The following CTNNA2 variants were observed in gnomAD, a reference collection of about 807,000 sequenced individuals.
CTNNA2 encodes catenin alpha 2.
A neutral mutation model predicts 101.0 loss-of-function variants in CTNNA2; 42 were observed. The ratio of observed to expected loss-of-function variants is 0.42; its 90% confidence interval spans 0.32 to 0.54. The LOEUF is 0.54. Among genes scored for constraint, CTNNA2 ranks in the 20% least tolerant of loss-of-function variants. The pLI, the probability that CTNNA2 is intolerant of heterozygous loss-of-function variation, is 0.14. For synonymous variants in CTNNA2, 450 were observed against 456.4 expected (o/e 0.99, Z 0.18); for missense variants, 871 against 1,223.1 (o/e 0.71, Z 4.29).
At chr2:80,562,400 A>G (rs554230011) in intron 12 of CTNNA2, among the ~76,000 whole-genome samples, 17 of 152,324 alleles carry the variant, frequency 1.1e-4, no homozygotes, top group African/African-American at 3.6e-4. Flanking sequence ...GATAAATGCA[A>G]ATTAAAAACT....
At chr2:79,981,774 A>G (rs1161289404) in intron 7 of CTNNA2, among the ~76,000 whole-genome samples, 1 of 152,116 alleles carries the variant, frequency 6.6e-6, no homozygotes, top group Non-Finnish European at 1.5e-5. Context: ...TAAATTTTTT[A>G]TGTTCAGATT....
chr2:80,260,214 T>G (rs1381866470), intron 7 of CTNNA2, among the ~76,000 whole-genome samples: 1 of 152,148 alleles, frequency 6.6e-6, no homozygotes, highest in Admixed American at 6.5e-5. Context: ...CATTGCTACA[T>G]CCTCAGTAAT....
intron 7 of CTNNA2, among the ~76,000 whole-genome samples, chr2:80,040,619 A>G (rs1695980346): frequency 1.3e-5 from 2 of 152,202 alleles, no homozygotes; most frequent in South Asian, 4.1e-4. Context: ...AAATAAAAAT[A>G]TAAACTGATG....
At chr2:80,475,428 T>A (rs1559140187) in intron 9 of CTNNA2, among the ~76,000 whole-genome samples, 1 of 152,200 alleles carries the variant, frequency 6.6e-6, no homozygotes, top group Non-Finnish European at 1.5e-5. Flanking sequence ...ATTTTTAATT[T>A]ATTAAGAAAA....
At chr2:79,277,306 G>T (rs1031016281) in intron 2 of CTNNA2, among the ~76,000 whole-genome samples, 2 of 151,968 alleles carry the variant, frequency 1.3e-5, no homozygotes, top group Non-Finnish European at 1.5e-5. Context: ...GCTGCTTCTG[G>T]CTTGCCTCTG....
intron 7 of CTNNA2, among the ~76,000 whole-genome samples, chr2:80,102,925 G>T (rs571967203): frequency 6.6e-6 from 1 of 152,302 alleles, no homozygotes; most frequent in South Asian, 2.1e-4. Context: ...ACAGTGGGGG[G>T]CAGACCTAGA....
intron 7 of CTNNA2, among the ~76,000 whole-genome samples, chr2:79,992,637 C>T (rs1169766815): frequency 6.6e-6 from 1 of 152,090 alleles, no homozygotes; most frequent in Non-Finnish European, 1.5e-5. Flanking sequence ...GTTGTATTTT[C>T]CTTGTGAAGG....
At chr2:79,798,994 A>T (rs992478067) in intron 3 of CTNNA2, among the ~76,000 whole-genome samples, 1 of 152,200 alleles carries the variant, frequency 6.6e-6, no homozygotes, top group Non-Finnish European at 1.5e-5. Context: ...AGAAAAGAGG[A>T]TAAATTATCC....
chr2:80,325,884 G>A (rs184609922), intron 7 of CTNNA2, among the ~76,000 whole-genome samples: 20 of 152,326 alleles, frequency 1.3e-4, no homozygotes, highest in Admixed American at 6.5e-4. Context: ...CCAGGACCCA[G>A]AGTAGTAAAG....
intron 3 of CTNNA2, among the ~76,000 whole-genome samples, chr2:79,828,975 CA>C (rs1335390589): frequency 1.3e-5 from 2 of 152,144 alleles, no homozygotes; most frequent in Non-Finnish European, 2.9e-5. Flanking sequence ...TCAGAAACCT[CA>C]ATCTTAGTTG....
chr2:80,432,183 C>G (rs939478031), intron 9 of CTNNA2, among the ~76,000 whole-genome samples: 10 of 152,012 alleles, frequency 6.6e-5, no homozygotes, highest in African/African-American at 2.2e-4. Flanking sequence ...CATCGTTTTG[C>G]TTATTAGCAC....
chr2:79,575,233 T>A (rs1253692091), intron 1 of CTNNA2, among the ~76,000 whole-genome samples: 1 of 152,210 alleles, frequency 6.6e-6, no homozygotes, highest in Non-Finnish European at 1.5e-5. Context: ...TTCACCCAGT[T>A]GAAATATCCA....
chr2:80,350,874 A>G (rs1045680544), intron 7 of CTNNA2, among the ~76,000 whole-genome samples: 2 of 152,160 alleles, frequency 1.3e-5, no homozygotes, highest in East Asian at 3.9e-4. Flanking sequence ...GTCTGAATCC[A>G]ACACCTGCAC....
chr2:80,306,927 G>A (rs1321543961), intron 7 of CTNNA2, among the ~76,000 whole-genome samples: 2 of 152,062 alleles, frequency 1.3e-5, no homozygotes, highest in Admixed American at 6.6e-5. Flanking sequence ...GAAGAGTTGA[G>A]TGTTGGCAAG....
At chr2:79,914,515 G>A (rs1288046240) in intron 7 of CTNNA2, among the ~76,000 whole-genome samples, 1 of 152,118 alleles carries the variant, frequency 6.6e-6, no homozygotes, top group Non-Finnish European at 1.5e-5. Context: ...GATGTGCCTG[G>A]TCCTTGTTGT....
chr2:79,461,184 A>T (rs968480522), intron 4 of CTNNA2, among the ~76,000 whole-genome samples: 5 of 152,194 alleles, frequency 3.3e-5, no homozygotes, highest in African/African-American at 4.8e-5. Context: ...GTGAGCAAAA[A>T]TGGCTTTGAA....
intron 7 of CTNNA2, among the ~76,000 whole-genome samples, chr2:80,308,548 G>T (rs1292652600): frequency 1.3e-5 from 2 of 152,134 alleles, no homozygotes; most frequent in Non-Finnish European, 2.9e-5. Context: ...TTTACAGAAT[G>T]CTCAAAAGGT....
At chr2:80,602,277 C>G (rs1469366214) in intron 15 of CTNNA2, among the ~76,000 whole-genome samples, 4 of 151,822 alleles carry the variant, frequency 2.6e-5, no homozygotes, top group Admixed American at 2.0e-4. Flanking sequence ...CATTCTTTGT[C>G]TACAATATGG....
At chr2:80,642,531 G>A (rs564185669) in intron 18 of CTNNA2, among the ~76,000 whole-genome samples, 1 of 151,770 alleles carries the variant, frequency 6.6e-6, no homozygotes, top group South Asian at 2.1e-4. Context: ...ATGGAAAAAT[G>A]TAGGGATAGA....
Sources: gnomAD v4.1 joint callset for allele counts (sites outside exome capture counted in the v4.1 genomes callset) on GRCh38, gnomAD v4.1.1 for gene constraint, MANE v1.5 for transcripts, NCBI Gene and HGNC (gene_info 2026-07-23, HGNC 2026-07-21) for gene names.